PRICKLE1: variants seen among roughly 807,000 people sequenced by gnomAD.
PRICKLE1 encodes prickle planar cell polarity protein 1.
A neutral mutation model predicts 70.2 loss-of-function variants in PRICKLE1; 14 were observed. That is an observed-to-expected ratio of 0.20 (90% confidence interval 0.13 to 0.31). PRICKLE1 has a LOEUF of 0.31. Among genes scored for constraint, PRICKLE1 ranks in the 10% least tolerant of loss-of-function variants. The pLI is 1.00. For missense variants in PRICKLE1, 821 were observed against 1,026.2 expected, an observed-to-expected ratio of 0.80 and a Z score of 2.73; for synonymous variants, 357 against 379.9, an observed-to-expected ratio of 0.94 and a Z score of 0.70.
At chr12:42,521,997 CAG>C (rs1939718234) in intron 1 of PRICKLE1, among the ~76,000 whole-genome samples, 1 of 131,436 alleles carries the variant, frequency 7.6e-6, no homozygotes, top group Non-Finnish European at 1.6e-5. Context: ...TTTTTTTTGA[CAG>C]AGTTTCGCTC....
rs546778127 is a variant in PRICKLE1 at position 42,495,199 on chromosome 12, T to C, written c.-48-22635A>G. The stretch of plus-strand genomic sequence containing the variant: ...GCCTGGGCAACACAGTGAAATCCCA[T>C]CTCTACAAAAACAAAACAAAACAAA... On this transcript the variant is annotated intron_variant, in intron 1 of 7. Coordinates refer to ENST00000345127, the MANE Select transcript of PRICKLE1 (RefSeq NM_153026.3). Among the ~76,000 whole-genome samples, 233 of 146,834 alleles carry C rather than the reference T, an allele frequency of 1.6e-3. 4 individuals are homozygous for C. Among genetic ancestry groups the C allele is most frequent in the South Asian group, 0.015 (71 of 4,686 alleles).
At chr12:42,469,363 C>G (rs1475010444) in intron 4 of PRICKLE1, 87 bp downstream of exon 4, 13 of 1,521,294 alleles carry the variant, frequency 8.5e-6, no homozygotes, top group Non-Finnish European at 1.2e-5. Context: ...AGGACCCACA[C>G]CTCTGCTAGT....
chr12:42,564,106 A>C (rs1415465088), intron 1 of PRICKLE1, among the ~76,000 whole-genome samples: 1 of 151,790 alleles, frequency 6.6e-6, no homozygotes, highest in Non-Finnish European at 1.5e-5. Flanking sequence ...AAAGTACAAA[A>C]AAATTAGCTG....
chr12:42,506,567 C>CTT lies in PRICKLE1; in HGVS notation c.-48-34005_-48-34004dup, dbSNP rs139103281. Reference sequence around the variant, plus strand: ...CCACCGCGCCCAGCTCAATAGTGTTCTTTTTTTTTTTTTTTTTTTTTTTTT... The same window carrying CTT: ...CCACCGCGCCCAGCTCAATAGTGTTCTTTTTTTTTTTTTTTTTTTTTTTTTTT... On this transcript the variant is annotated intron_variant, in intron 1 of 7. Transcript: ENST00000345127. Among the ~76,000 whole-genome samples the CTT allele has an allele frequency of 7.0e-4, 45 of 64,624 alleles. 3 individuals are homozygous for CTT. The highest frequency in any genetic ancestry group is 1.9e-3 in the African/African-American group (34 of 17,798). 42.4% of individuals were successfully genotyped at this position (64,624 alleles called of 152,430 possible).
At chr12:42,497,161 A>T (rs981590411) in intron 1 of PRICKLE1, among the ~76,000 whole-genome samples, 5 of 152,154 alleles carry the variant, frequency 3.3e-5, no homozygotes, top group Non-Finnish European at 7.3e-5. Context: ...GCCCAATTGC[A>T]ATATTGCTAT....
intron 1 of PRICKLE1, among the ~76,000 whole-genome samples, chr12:42,582,124 G>C (rs1940912148): frequency 6.6e-6 from 1 of 152,126 alleles, no homozygotes; most frequent in South Asian, 2.1e-4. Flanking sequence ...TTGGCTATTA[G>C]CCTGCCAAGC....
Position 42,562,873 on chromosome 12 carries a change from C to T in PRICKLE1, c.-49+26592G>A, listed in dbSNP as rs552200939. On this transcript the variant is annotated intron_variant, in intron 1 of 7. Transcript: ENST00000345127. ...GACATAGCTTACATTCAAGTTTTGGCAGATTTAATTTAAAAATTTAAATTG... is the reference window on the plus strand; with the variant it reads ...GACATAGCTTACATTCAAGTTTTGGTAGATTTAATTTAAAAATTTAAATTG... Among the ~76,000 whole-genome samples, 4 of 152,230 alleles carry T rather than the reference C, an allele frequency of 2.6e-5. No homozygotes were observed. The South Asian group carries it at 8.3e-4, about 31-fold the overall frequency.
chr12:42,560,149 A>ATTT (rs1335883721), intron 1 of PRICKLE1, among the ~76,000 whole-genome samples: 1 of 130,446 alleles, frequency 7.7e-6, no homozygotes, highest in Non-Finnish European at 1.6e-5. Flanking sequence ...TATTATTATT[A>ATTT]TTTTTGAGGC....
In PRICKLE1 at chr12:42,537,590, C is replaced by G. The variant is rs1331175472; in HGVS notation, c.-49+51875G>C. Reference sequence around the variant, plus strand: ...TGTTTTACTGAATATTTAACCATCACTTTGATTCAATCATTCAACAAATAT... The same window carrying G: ...TGTTTTACTGAATATTTAACCATCAGTTTGATTCAATCATTCAACAAATAT... On this transcript the variant is annotated intron_variant, in intron 1 of 7. Coordinates refer to ENST00000345127, the MANE Select transcript of PRICKLE1 (RefSeq NM_153026.3). Among the ~76,000 whole-genome samples the G allele has an allele frequency of 2.0e-5, 3 of 152,202 alleles. No homozygotes were observed. In the East Asian group the frequency reaches 5.8e-4, roughly 29 times the overall value.
At chr12:42,473,831 C>A (rs1566088349) in intron 1 of PRICKLE1, among the ~76,000 whole-genome samples, 4 of 145,710 alleles carry the variant, frequency 2.7e-5, no homozygotes, top group South Asian at 2.2e-4. Flanking sequence ...GGAAGGATGT[C>A]AAAAAAAAAA....
chr12:42,510,589 T>G (rs1184279462), intron 1 of PRICKLE1, among the ~76,000 whole-genome samples: 25 of 151,850 alleles, frequency 1.6e-4, no homozygotes. Flanking sequence ...CATAACTTTT[T>G]TTTTAAAGGT....
chr12:42,554,966 T>G (rs1254717212), intron 1 of PRICKLE1, among the ~76,000 whole-genome samples: 2 of 151,986 alleles, frequency 1.3e-5, no homozygotes, highest in Non-Finnish European at 1.5e-5. Flanking sequence ...AAGTGTTGCT[T>G]TGGGTGGGTA....
At chr12:42,509,519 T>C (rs1939474809) in intron 1 of PRICKLE1, among the ~76,000 whole-genome samples, 1 of 152,304 alleles carries the variant, frequency 6.6e-6, no homozygotes, top group Middle Eastern at 3.4e-3. Flanking sequence ...GTTTGATGTC[T>C]GTGGTCTCTG....
At chr12:42,519,194 T>A (rs961723114) in intron 1 of PRICKLE1, among the ~76,000 whole-genome samples, 1 of 20,618 alleles carries the variant, frequency 4.9e-5, no homozygotes, top group Non-Finnish European at 7.8e-5. Context: ...CTTTTTTTCC[T>A]TTTTTTTTTT....
intron 1 of PRICKLE1, among the ~76,000 whole-genome samples, chr12:42,511,515 C>A (rs1939511939): frequency 6.6e-6 from 1 of 152,182 alleles, no homozygotes; most frequent in Non-Finnish European, 1.5e-5. Flanking sequence ...AGGGTCTGGC[C>A]TTGTGGTGGG....
chr12:42,538,290 A>T (rs1940049099), intron 1 of PRICKLE1, among the ~76,000 whole-genome samples: 1 of 152,228 alleles, frequency 6.6e-6, no homozygotes, highest in African/African-American at 2.4e-5. Context: ...GTTGCTCAAC[A>T]GCTAGTAGCT....
At chr12:42,522,025 G>GA (rs1939719197) in intron 1 of PRICKLE1, among the ~76,000 whole-genome samples, 1 of 149,758 alleles carries the variant, frequency 6.7e-6, no homozygotes, top group Admixed American at 6.7e-5. Context: ...GCCCAGGCTA[G>GA]AGTGCAGTGG....
rs181537035 is a variant in PRICKLE1, at chr12:42,529,712, T to C, written c.-48-57148A>G. Among the ~76,000 whole-genome samples the C allele has an allele frequency of 6.7e-3, 1,017 of 152,114 alleles. 1 individual carries two copies. The highest frequency in any genetic ancestry group is 9.9e-3 in the Non-Finnish European group (670 of 67,998). Reference sequence around the variant, plus strand: ...GAGTTTGAGACCAGCCTGGCCAACGTGGTAAAACGCCATCTCTACTAAAAA... The same window carrying C: ...GAGTTTGAGACCAGCCTGGCCAACGCGGTAAAACGCCATCTCTACTAAAAA... On this transcript the variant is annotated intron_variant, in intron 1 of 7. Transcript: ENST00000345127.
In PRICKLE1 at chr12:42,501,407, G is replaced by A. The variant is rs556923922; in HGVS notation, c.-48-28843C>T. On this transcript the variant is annotated intron_variant, in intron 1 of 7. Transcript: ENST00000345127. ...TGCCTGTAGTCCCAGCTACTCAGGA[G>A]GCTGAGGTAGGAGAATCGCTTGAAC... Among the ~76,000 whole-genome samples, 3 of 151,528 alleles carry A rather than the reference G, an allele frequency of 2.0e-5. No individual in the cohort carries two copies. In the South Asian group the frequency reaches 6.2e-4, roughly 31 times the overall value.
Sources: allele counts gnomAD v4.1 joint callset (sites outside exome capture counted in the v4.1 genomes callset), GRCh38; gene constraint gnomAD v4.1.1; transcripts MANE v1.5; gene names NCBI Gene and HGNC (gene_info 2026-07-23, HGNC 2026-07-21).